Variants in LRRIQ1 observed in about 807,000 individuals in gnomAD.
LRRIQ1 encodes the protein leucine-rich repeat- and IQ domain-containing protein 1.
Under a neutral mutation model 211.9 loss-of-function variants are expected in LRRIQ1, and 210 were observed. The ratio of observed to expected loss-of-function variants is 0.99; its 90% CI spans 0.89 to 1.11. The LOEUF is 1.11. Ranked by LOEUF, LRRIQ1 falls within the 50% of genes most tolerant of loss-of-function variation. The pLI is 0.00. For missense variants in LRRIQ1, 2,136 were observed against 1,939.5 expected (o/e 1.10, Z -1.90); for synonymous variants, 699 against 650.1 (o/e 1.08, Z -1.14).
chr12:85,149,102 C>T (rs1195998560), intron 19 of LRRIQ1, among the ~76,000 whole-genome samples: 2 of 151,866 alleles, frequency 1.3e-5, no homozygotes, highest in Non-Finnish European at 2.9e-5. Context: ...CTGTAGGTTG[C>T]CTGTTCACTC....
At chr12:85,144,016 G>A (rs1340231485) in intron 19 of LRRIQ1, among the ~76,000 whole-genome samples, 1 of 151,454 alleles carries the variant, frequency 6.6e-6, no homozygotes, top group Non-Finnish European at 1.5e-5. Flanking sequence ...CATCATCCAG[G>A]TAGTAAGCAT....
At chr12:85,239,003 C>T (rs867245122) in intron 26 of LRRIQ1, among the ~76,000 whole-genome samples, 3 of 152,030 alleles carry the variant, frequency 2.0e-5, no homozygotes, top group African/African-American at 7.2e-5. Flanking sequence ...AAATTTCATT[C>T]ATGACAATGT....
chr12:85,070,083 T>A (rs1448719716), intron 10 of LRRIQ1, among the ~76,000 whole-genome samples: 1 of 152,072 alleles, frequency 6.6e-6, no homozygotes, highest in East Asian at 1.9e-4. Flanking sequence ...ATGTTAGACC[T>A]AAAACCATAA....
At chr12:85,214,766 G>A (rs1893998615) in intron 24 of LRRIQ1, among the ~76,000 whole-genome samples, 1 of 151,858 alleles carries the variant, frequency 6.6e-6, no homozygotes, top group Admixed American at 6.6e-5. Flanking sequence ...AAGATAATAT[G>A]GAAGAATATA....
chr12:85,214,986 A>G (rs1284449300), intron 24 of LRRIQ1, among the ~76,000 whole-genome samples: 1 of 152,168 alleles, frequency 6.6e-6, no homozygotes, highest in African/African-American at 2.4e-5. Flanking sequence ...GAAGCATTAA[A>G]ATAGAGACAG....
chr12:85,084,393 T>A (rs1411284116), intron 11 of LRRIQ1, among the ~76,000 whole-genome samples: 1 of 152,130 alleles, frequency 6.6e-6, no homozygotes, highest in Non-Finnish European at 1.5e-5. Flanking sequence ...GATGCCTACT[T>A]TTTCTATATA....
intron 7 of LRRIQ1, 80 bp downstream of exon 7, chr12:85,052,331 T>C: frequency 1.4e-6 from 1 of 721,398 alleles, no homozygotes; most frequent in Non-Finnish European, 2.3e-6. Context: ...TGGTTATTTT[T>C]AGATAATGCT....
At chr12:85,168,071 TTAATGAAA>T (rs1440795519) in intron 24 of LRRIQ1, among the ~76,000 whole-genome samples, 1 of 152,198 alleles carries the variant, frequency 6.6e-6, no homozygotes, top group African/African-American at 2.4e-5. Context: ...AAACAAGTTC[TTAATGAAA>T]TAAGAAGAAA....
chr12:85,129,626 A>G (rs1488467919), intron 18 of LRRIQ1, among the ~76,000 whole-genome samples: 1 of 152,192 alleles, frequency 6.6e-6, no homozygotes, highest in Non-Finnish European at 1.5e-5. Flanking sequence ...TGGGAAGAAT[A>G]TTCGAGGCAA....
chr12:85,256,459 C>A lies in LRRIQ1; in HGVS notation c.122-6456C>A, dbSNP rs11834339. 5.0e-3 allele frequency among the ~76,000 whole-genome samples: 761 copies of A among 151,554 alleles called. 12 individuals are homozygous for A. The highest frequency in any genetic ancestry group is 0.017 in the African/African-American group (719 of 41,448). On this transcript the variant is annotated intron_variant, in intron 1 of 1. Coordinates refer to the LRRIQ1 transcript ENST00000602731. ...ATGGTTAAATATGAAATGCATTTGTCGAATGAATGAAACTGGAGTGAAATA... is the reference window on the plus strand; with the variant it reads ...ATGGTTAAATATGAAATGCATTTGTAGAATGAATGAAACTGGAGTGAAATA...
chr12:85,208,965 T>G (rs1391786776), intron 24 of LRRIQ1, among the ~76,000 whole-genome samples: 1 of 152,152 alleles, frequency 6.6e-6, no homozygotes, highest in Non-Finnish European at 1.5e-5. Context: ...CTTGACCCTT[T>G]TGAACACATA....
chr12:85,154,243 T>G (rs903450351), intron 23 of LRRIQ1, 149 bp downstream of exon 23: 1 of 369,548 alleles, frequency 2.7e-6, no homozygotes, highest in African/African-American at 3.3e-5. Flanking sequence ...AAATAAAACT[T>G]AAGAGAAAAT....
At chr12:85,257,046 T>TTATATATATATAATTATATAATTATATA in intron 1 of LRRIQ1, among the ~76,000 whole-genome samples, 1 of 108,508 alleles carries the variant, frequency 9.2e-6, no homozygotes, top group African/African-American at 3.5e-5. Flanking sequence ...TATTATATAA[T>TTATATATATATAATTATATAATTATATA]TATATATATA....
chr12:85,042,724 G>T (rs556718161), intron 3 of LRRIQ1, among the ~76,000 whole-genome samples: 1 of 151,668 alleles, frequency 6.6e-6, no homozygotes, highest in Non-Finnish European at 1.5e-5. Flanking sequence ...ATTTGAAAAA[G>T]TGAAAAACAA....
downstream of LRRIQ1, among the ~76,000 whole-genome samples, chr12:85,267,269 T>C (rs565101873): frequency 6.6e-6 from 1 of 152,146 alleles, no homozygotes; most frequent in South Asian, 2.1e-4. Context: ...AATAAATTGG[T>C]AAACTTAATT....
At chr12:85,140,334 C>T (rs934075710) in intron 19 of LRRIQ1, among the ~76,000 whole-genome samples, 2 of 151,066 alleles carry the variant, frequency 1.3e-5, no homozygotes, top group African/African-American at 4.8e-5. Context: ...TTTGGAATAT[C>T]TGAAATAGCA....
Position 85,098,543 on chromosome 12 carries a change from A to T in LRRIQ1, c.3076A>T (p.Ser1026Cys), listed in dbSNP as rs2136278543. The change falls in exon 12 of 27, where the codon AGT becomes TGT. Residue 1026 changes from serine to cysteine, a missense_variant. Ser to Cys is a moderately radical substitution (Grantham distance 112). Coordinates refer to ENST00000393217, the MANE Select transcript of LRRIQ1 (RefSeq NM_001079910.2). ...ATTGAAGTTACAGGGAAATTATCTG[A>T]GTGAGGTAATTGCTTTGAATTAATT... ...QILKLQGNYL[S>C]ELPSLENLVL... 5 of 1,605,844 alleles carry T rather than the reference A, an allele frequency of 3.1e-6. No individual in the cohort carries two copies. Among genetic ancestry groups the T allele is most frequent in the Non-Finnish European group, 4.3e-6 (5 of 1,175,916 alleles).
Position 85,154,062 on chromosome 12 carries a change from A to G in LRRIQ1, c.4688A>G (p.Lys1563Arg). 6.4e-7 allele frequency: 1 copy of G among 1,569,934 alleles called. No homozygotes were observed. The highest frequency in any genetic ancestry group is 8.6e-7 in the Non-Finnish European group (1 of 1,157,172). ...TAQQMLKRAQ[K>R]MKSKKLKKKI... Reference sequence around the variant, plus strand: ...CAGCAAATGTTGAAGAGGGCACAGAAAATGAAATCGAAGAAACTAAAGAAA... The same window carrying G: ...CAGCAAATGTTGAAGAGGGCACAGAGAATGAAATCGAAGAAACTAAAGAAA... Residue 1563 changes from lysine (K) to arginine (R), a missense_variant, in exon 23 of 27, where the codon AAA (lysine) becomes AGA (arginine). Coordinates refer to ENST00000393217, the MANE Select transcript of LRRIQ1 (RefSeq NM_001079910.2).
intron 18 of LRRIQ1, among the ~76,000 whole-genome samples, chr12:85,136,204 A>T (rs1889119545): frequency 6.6e-6 from 1 of 151,848 alleles, no homozygotes; most frequent in African/African-American, 2.4e-5. Flanking sequence ...ACACATACGT[A>T]TACAGTGGAA....
Sources: allele counts gnomAD v4.1 joint callset (sites outside exome capture counted in the v4.1 genomes callset), GRCh38; gene constraint gnomAD v4.1.1; transcripts MANE v1.5; gene names NCBI Gene and HGNC (gene_info 2026-07-23, HGNC 2026-07-21).